The following TESPA1 variants were observed in gnomAD, a reference collection of about 807,000 sequenced individuals.
TESPA1 encodes the protein protein TESPA1.
In TESPA1, 33 loss-of-function variants were observed where a neutral mutation model predicts 57.9. The observed-to-expected ratio is 0.57, with a 90% confidence interval of 0.43 to 0.76. The LOEUF (loss-of-function observed/expected upper bound fraction) is 0.76, where lower values mean the gene tolerates loss of function less well. TESPA1 is among the 30% of genes least tolerant of loss of function. The pLI, the probability that TESPA1 is intolerant of heterozygous loss-of-function variation, is 0.00. For missense variants in TESPA1, 618 were observed against 632.9 expected (o/e 0.98, Z 0.25); for synonymous variants, 227 against 228.9 (o/e 0.99, Z 0.07).
Position 54,973,763 on chromosome 12 carries a change from G to A in TESPA1, c.164-244C>T, listed in dbSNP as rs560740651. ...AACCTGGAAAGTGCCCAAGATGTCAGGCCCACTGCTGTCTTTTGAGAGTTC... is the reference window on the plus strand; with the variant it reads ...AACCTGGAAAGTGCCCAAGATGTCAAGCCCACTGCTGTCTTTTGAGAGTTC... On this transcript the variant is annotated intron_variant, in intron 2 of 10. Transcript: ENST00000449076. 73 of 1,271,060 alleles carry A rather than the reference G, an allele frequency of 5.7e-5. No individual in the cohort carries two copies. In the African/African-American group the frequency reaches 9.0e-4, roughly 16 times the overall value. The allele number at this position is 1,271,060 out of a possible 1,614,324, so 78.7% of individuals were successfully genotyped here.
intron 10 of TESPA1, among the ~76,000 whole-genome samples, chr12:54,954,631 T>C (rs1179769567): frequency 1.3e-5 from 2 of 152,216 alleles, no homozygotes; most frequent in Non-Finnish European, 2.9e-5. Context: ...CACACCACTT[T>C]ACACAGTCCT....
intron 7 of TESPA1, among the ~76,000 whole-genome samples, chr12:54,964,937 A>G (rs1485040381): frequency 6.6e-6 from 1 of 152,220 alleles, no homozygotes; most frequent in Non-Finnish European, 1.5e-5. Flanking sequence ...GAACTAGGGT[A>G]TGAACTAGGA....
intron 1 of TESPA1, among the ~76,000 whole-genome samples, 161 bp from the exon 2 acceptor site, chr12:54,974,768 C>T (rs1391974947): frequency 6.6e-6 from 1 of 152,046 alleles, no homozygotes; most frequent in Admixed American, 6.5e-5. Flanking sequence ...TCTGTCTCTC[C>T]TGCAAAAAAG....
chr12:54,975,823 C>T (rs577211292), intron 1 of TESPA1, among the ~76,000 whole-genome samples: 47 of 152,250 alleles, frequency 3.1e-4, no homozygotes, highest in East Asian at 9.7e-4. Flanking sequence ...AAAGAACATC[C>T]TGAACATAAA....
intron 1 of TESPA1, among the ~76,000 whole-genome samples, chr12:54,983,258 T>C (rs1386808): frequency 0.37 from 56,216 of 151,940 alleles, 13,420 homozygotes; most frequent in East Asian, 0.93. Flanking sequence ...GGTAGCGTGG[T>C]TGTAAATGGT....
At chr12:54,954,846 TAA>T (rs1950634425) in intron 10 of TESPA1, among the ~76,000 whole-genome samples, 1 of 152,232 alleles carries the variant, frequency 6.6e-6, no homozygotes, top group Non-Finnish European at 1.5e-5. Flanking sequence ...TGATGGACAT[TAA>T]GTTTGTTTCC....
chr12:54,974,326 C>T, intron 2 of TESPA1, 74 bp downstream of exon 2: 2 of 1,367,738 alleles, frequency 1.5e-6, no homozygotes, highest in South Asian at 1.5e-5. Context: ...CCTGTTCACA[C>T]TCTGCAGACC....
chr12:54,958,880 C>G (rs1232401844), intron 10 of TESPA1, among the ~76,000 whole-genome samples: 1 of 152,144 alleles, frequency 6.6e-6, no homozygotes. Context: ...GGATTTCCAT[C>G]TCTCTGTTCA....
At chr12:54,967,967 C>A in intron 3 of TESPA1, 75 bp from the exon 4 acceptor site, 1 of 1,603,308 alleles carries the variant, frequency 6.2e-7, no homozygotes, top group Non-Finnish European at 8.5e-7. Context: ...GAAAAACTCA[C>A]ACATATTCAT....
intron 10 of TESPA1, among the ~76,000 whole-genome samples, chr12:54,951,317 G>A (rs1383685074): frequency 2.0e-5 from 3 of 152,260 alleles, no homozygotes; most frequent in African/African-American, 7.2e-5. Flanking sequence ...CTTCTGCCAT[G>A]AATGAAAGTT....
rs1950301599 is a variant in TESPA1 at position 54,950,317 on chromosome 12, C to G, written c.*75G>C. Reference sequence around the variant, plus strand: ...ATGTTGAGGGCAGTGCAGTTTCCTGCAAGAGGTGGCTTTTAGTTTCTTCTT... The same window carrying G: ...ATGTTGAGGGCAGTGCAGTTTCCTGGAAGAGGTGGCTTTTAGTTTCTTCTT... On this transcript the variant is annotated 3_prime_UTR_variant, in exon 11 of 11. Coordinates refer to ENST00000449076, the MANE Select transcript of TESPA1 (RefSeq NM_001136030.3). The G allele has an allele frequency of 6.6e-6, 3 of 456,924 alleles. No individual in the cohort carries two copies. The highest frequency in any genetic ancestry group is 1.5e-5 in the South Asian group (1 of 64,562). The allele number at this position is 456,924 out of a possible 1,614,324, so 28.3% of individuals were successfully genotyped here. A position where few individuals can be genotyped will look rare whatever the true frequency, so the allele number is the denominator to read the frequency against.
intron 5 of TESPA1, 87 bp from the exon 6 acceptor site, chr12:54,966,511 C>T: frequency 6.8e-7 from 1 of 1,477,562 alleles, no homozygotes; most frequent in Non-Finnish European, 9.2e-7. Context: ...AAACTCAGTC[C>T]CCTCTGTTTC....
chr12:54,982,532 G>A (rs1339123894), intron 1 of TESPA1, among the ~76,000 whole-genome samples: 2 of 152,122 alleles, frequency 1.3e-5, no homozygotes, highest in African/African-American at 2.4e-5. Flanking sequence ...TGAATTTTAA[G>A]AAAGGCTTGT....
Position 54,963,932 on chromosome 12 carries a change from G to T in TESPA1, c.465C>A (p.Asp155Glu). The change falls in exon 8 of 11, where the codon GAC becomes GAA. Residue 155 changes from aspartate to glutamate, a missense_variant. Asp to Glu is a conservative substitution (Grantham distance 45). Around this residue, in one of 3 missense-constraint regions of TESPA1, gnomAD observed 10 missense variants for 28.8 expected, o/e 0.35. Transcript: ENST00000449076. Reference protein sequence around the residue: ...KTSSSISEILDKVQEDAEDVL... With the variant: ...KTSSSISEILEKVQEDAEDVL... ...CATCTTCTGCATCTTCTTGCACTTT[G>T]TCCAGAATTTCTGAGATGCTGAAAT... 1 of 1,613,516 alleles carries T rather than the reference G, an allele frequency of 6.2e-7. No individual in the cohort carries two copies. The highest frequency in any genetic ancestry group is 8.5e-7 in the Non-Finnish European group (1 of 1,179,418).
chr12:54,953,522 C>CT (rs1178610425), intron 10 of TESPA1, among the ~76,000 whole-genome samples: 2,382 of 135,308 alleles, frequency 0.018, 100 homozygotes, highest in African/African-American at 0.045. Context: ...TTTTTATTTA[C>CT]TTTTTTTTTT....
chr12:54,962,183 G>A (rs1565838590), intron 9 of TESPA1, among the ~76,000 whole-genome samples: 1 of 152,132 alleles, frequency 6.6e-6, no homozygotes, highest in Non-Finnish European at 1.5e-5. Flanking sequence ...GTACTTAATG[G>A]GAACATTAAA....
At position 54,963,025 on chromosome 12, in the gene TESPA1, A is replaced by G. The variant is rs1274958909; in HGVS notation, c.873T>C (p.Cys291=). ...DRLRKAISKM[C]LYTCPRDRPP... is the part of the protein sequence containing the mutation. ...GCCGGTCTCGGGGGCATGTGTACAG[A>G]CACATCTTGGAGATGGCTTTCCGAA... Residue 291 remains cysteine, a synonymous_variant, in exon 9 of 11, where the codon TGT becomes TGC. Coordinates refer to ENST00000449076, the MANE Select transcript of TESPA1 (RefSeq NM_001136030.3). 1 of 1,613,674 alleles carries G rather than the reference A, an allele frequency of 6.2e-7. No individual in the cohort carries two copies. Among genetic ancestry groups the G allele is most frequent in the African/African-American group, 1.3e-5 (1 of 74,852 alleles).
At chr12:54,971,635 G>C (rs1319862474) in intron 3 of TESPA1, among the ~76,000 whole-genome samples, 1 of 152,024 alleles carries the variant, frequency 6.6e-6, no homozygotes, top group Non-Finnish European at 1.5e-5. Context: ...AAATGTAACA[G>C]ATACCCTTGC....
At chr12:54,968,773 T>C (rs1951613144) in intron 3 of TESPA1, among the ~76,000 whole-genome samples, 1 of 152,072 alleles carries the variant, frequency 6.6e-6, no homozygotes, top group African/African-American at 2.4e-5. Flanking sequence ...TTAAATGTAA[T>C]CTCAAGTGGA....
Sources: allele counts gnomAD v4.1 joint callset (sites outside exome capture counted in the v4.1 genomes callset), GRCh38; gene constraint gnomAD v4.1.1; regional missense constraint gnomAD v4.1.1; transcripts MANE v1.5; gene names NCBI Gene and HGNC (gene_info 2026-07-23, HGNC 2026-07-21).